Variants in RBMS3 observed in about 807,000 individuals in gnomAD.
RBMS3 encodes the protein RNA binding motif single stranded interacting protein 3, also known as RNA-binding motif, single-stranded-interacting protein 3.
A neutral mutation model predicts 66.8 loss-of-function variants in RBMS3; 27 were observed. The observed-to-expected ratio is 0.40, with a 90% CI of 0.30 to 0.56. The LOEUF (loss-of-function observed/expected upper bound fraction) is 0.56, where lower values mean the gene tolerates loss of function less well. Among genes scored for constraint, RBMS3 ranks in the 20% least tolerant of loss-of-function variants. The pLI, the probability that RBMS3 is intolerant of heterozygous loss-of-function variation, is 0.40. For missense variants in RBMS3, 513 were observed against 549.5 expected (o/e 0.93, Z 0.66); for synonymous variants, 188 against 183.0 (o/e 1.03, Z -0.22).
rs190659708 is a variant in RBMS3, at chr3:29,466,121, A to G, written c.249-22320A>G. Among the ~76,000 whole-genome samples the G allele has an allele frequency of 1.1e-3, 171 of 152,074 alleles. 1 individual carries two copies. Among genetic ancestry groups the G allele is most frequent in the African/African-American group, 4.0e-3 (166 of 41,504 alleles). On this transcript the variant is annotated intron_variant, in intron 2 of 14. Transcript: ENST00000383767. ...TGCCTTGTGAGAAATGCTTTTAATG[A>G]ACTATAAAAATCAGCAGTCTGAAGA...
At chr3:29,469,823 A>G (rs1222608766) in intron 2 of RBMS3, among the ~76,000 whole-genome samples, 1 of 151,200 alleles carries the variant, frequency 6.6e-6, no homozygotes, top group Non-Finnish European at 1.5e-5. Flanking sequence ...AAGAAAGTTC[A>G]CAACTAAGCC....
chr3:29,445,243 A>C (rs1050881325), intron 2 of RBMS3, among the ~76,000 whole-genome samples: 1 of 152,050 alleles, frequency 6.6e-6, no homozygotes, highest in African/African-American at 2.4e-5. Flanking sequence ...CTTAGATGCT[A>C]CATCCAATGT....
intron 2 of RBMS3, among the ~76,000 whole-genome samples, chr3:29,437,306 G>A (rs1363794223): frequency 1.3e-5 from 2 of 152,220 alleles, no homozygotes; most frequent in African/African-American, 2.4e-5. Flanking sequence ...ATGAATTGCT[G>A]TGTCAATATC....
intron 1 of RBMS3, among the ~76,000 whole-genome samples, chr3:29,302,641 T>G (rs2033757565): frequency 6.6e-6 from 1 of 152,092 alleles, no homozygotes; most frequent in Admixed American, 6.6e-5. Flanking sequence ...AATTTTAAAA[T>G]ATATCTAAAG....
intron 3 of RBMS3, among the ~76,000 whole-genome samples, chr3:29,561,928 G>T (rs745477450): frequency 2.6e-5 from 4 of 151,848 alleles, no homozygotes; most frequent in Non-Finnish European, 5.9e-5. Flanking sequence ...GTCATTTGTG[G>T]TTTTTTTCAT....
chr3:29,873,318 G>C (rs2059535773), intron 7 of RBMS3, among the ~76,000 whole-genome samples: 1 of 152,054 alleles, frequency 6.6e-6, no homozygotes, highest in African/African-American at 2.4e-5. Flanking sequence ...CTAGTTAGCT[G>C]TATTTCTAGG....
chr3:29,945,031 A>G (rs1479046386), intron 12 of RBMS3, among the ~76,000 whole-genome samples: 2 of 151,734 alleles, frequency 1.3e-5, no homozygotes, highest in African/African-American at 4.8e-5. Flanking sequence ...ATTTATTGCA[A>G]AGAGAAAAAT....
intron 2 of RBMS3, among the ~76,000 whole-genome samples, chr3:29,452,500 T>A (rs987341350): frequency 1.3e-5 from 2 of 152,104 alleles, no homozygotes; most frequent in African/African-American, 4.8e-5. Flanking sequence ...AAAAGAGAGA[T>A]TTAGGATTTC....
chr3:29,397,558 C>T (rs1180833329), intron 1 of RBMS3, among the ~76,000 whole-genome samples: 1 of 152,084 alleles, frequency 6.6e-6, no homozygotes, highest in Non-Finnish European at 1.5e-5. Flanking sequence ...GGAAGTGAGA[C>T]TAACTTTAAC....
At chr3:29,414,133 G>A (rs1254033833) in intron 1 of RBMS3, among the ~76,000 whole-genome samples, 1 of 152,158 alleles carries the variant, frequency 6.6e-6, no homozygotes, top group Non-Finnish European at 1.5e-5. Flanking sequence ...AATCACTGTT[G>A]AATCATCCCT....
intron 2 of RBMS3, among the ~76,000 whole-genome samples, chr3:29,461,222 T>C (rs1249213173): frequency 1.3e-5 from 2 of 152,238 alleles, no homozygotes; most frequent in African/African-American, 4.8e-5. Flanking sequence ...ACACCTTCAG[T>C]GTGCAATATG....
chr3:29,613,668 G>A (rs1379523), intron 4 of RBMS3, among the ~76,000 whole-genome samples: 121,901 of 151,986 alleles, frequency 0.8, 49,702 homozygotes, highest in African/African-American at 0.95. Context: ...ATAATCAATT[G>A]AAAAATGGGA....
chr3:29,993,491 G>A (rs1307453531), intron 14 of RBMS3, among the ~76,000 whole-genome samples: 3 of 152,206 alleles, frequency 2.0e-5, no homozygotes, highest in Non-Finnish European at 4.4e-5. Flanking sequence ...TTCTGGGTAT[G>A]TCTGTGAGGG....
At chr3:29,371,804 A>C (rs933299556) in intron 1 of RBMS3, among the ~76,000 whole-genome samples, 1 of 152,248 alleles carries the variant, frequency 6.6e-6, no homozygotes, top group South Asian at 2.1e-4. Flanking sequence ...AAACCAGCAA[A>C]CCTGACTAAC....
At chr3:29,640,286 C>CATACACA (rs879853761) in intron 4 of RBMS3, among the ~76,000 whole-genome samples, 1 of 122,944 alleles carries the variant, frequency 8.1e-6, no homozygotes, top group Admixed American at 8.0e-5. Flanking sequence ...ACACACACAC[C>CATACACA]CACACACACA....
chr3:29,443,360 G>A (rs2041698561), intron 2 of RBMS3, among the ~76,000 whole-genome samples: 1 of 152,044 alleles, frequency 6.6e-6, no homozygotes, highest in Non-Finnish European at 1.5e-5. Context: ...ATATCTTAAG[G>A]ATTGGTAAGT....
intron 4 of RBMS3, among the ~76,000 whole-genome samples, chr3:29,661,343 C>T (rs930350606): frequency 1.3e-5 from 2 of 152,132 alleles, no homozygotes; most frequent in African/African-American, 4.8e-5. Context: ...CTGTTGCCTA[C>T]CATTTTGGCA....
chr3:29,477,453 T>TAACAAACA (rs35287781), intron 2 of RBMS3, among the ~76,000 whole-genome samples: 4,096 of 150,976 alleles, frequency 0.027, 168 homozygotes, highest in African/African-American at 0.092. Context: ...GTCAGGGATA[T>TAACAAACA]AACAAACAAA....
At chr3:29,918,847 A>C (rs991401117) in intron 10 of RBMS3, among the ~76,000 whole-genome samples, 1 of 152,052 alleles carries the variant, frequency 6.6e-6, no homozygotes, top group African/African-American at 2.4e-5. Flanking sequence ...AAAACCCTAC[A>C]TATTAAGTCT....
Sources: gnomAD v4.1 joint callset for allele counts (sites outside exome capture counted in the v4.1 genomes callset) on GRCh38, gnomAD v4.1.1 for gene constraint, MANE v1.5 for transcripts, NCBI Gene and HGNC (gene_info 2026-07-23, HGNC 2026-07-21) for gene names.